Variants in GTF2A1L observed in about 807,000 individuals in gnomAD.
GTF2A1L encodes the protein general transcription factor IIA subunit 1 like, also known as TFIIA-alpha and beta-like factor.
GTF2A1L carries 48 observed loss-of-function variants against 49.7 expected under a neutral mutation model. That is an observed-to-expected ratio of 0.97 (90% CI 0.77 to 1.23). The LOEUF (loss-of-function observed/expected upper bound fraction) is 1.23, where lower values mean the gene tolerates loss of function less well. GTF2A1L is among the 50% of genes most tolerant of loss of function. The pLI is 0.00. For synonymous variants in GTF2A1L, 246 were observed against 193.5 expected, an observed-to-expected ratio of 1.27 and a Z score of -2.25; for missense variants, 736 against 564.8, an observed-to-expected ratio of 1.30 and a Z score of -3.07.
intron 7 of GTF2A1L, among the ~76,000 whole-genome samples, 170 bp from the exon 8 acceptor site, chr2:48,671,421 C>G (rs1299839210): frequency 1.3e-5 from 2 of 152,084 alleles, no homozygotes; most frequent in Non-Finnish European, 2.9e-5. Context: ...CCAAGTAAGT[C>G]TTGAACTCCT....
intron 8 of GTF2A1L, among the ~76,000 whole-genome samples, chr2:48,673,168 A>C (rs146982391): frequency 1.5e-3 from 222 of 152,250 alleles, no homozygotes; most frequent in African/African-American, 5.2e-3. Context: ...TATTGAATGG[A>C]TATACCACAT....
At chr2:48,625,940 C>G (rs1676267084) in intron 3 of GTF2A1L, among the ~76,000 whole-genome samples, 1 of 143,888 alleles carries the variant, frequency 6.9e-6, no homozygotes, top group African/African-American at 2.5e-5. Context: ...AAATCATTGC[C>G]AAGGCCATTG....
At chr2:48,656,223 C>T (rs563024904) in intron 6 of GTF2A1L, among the ~76,000 whole-genome samples, 2 of 151,972 alleles carry the variant, frequency 1.3e-5, no homozygotes, top group Non-Finnish European at 2.9e-5. Context: ...AATCATATGA[C>T]AATTCTACTT....
At position 48,669,970 on chromosome 2, in the gene GTF2A1L, C is replaced by T; in HGVS notation, c.1227C>T (p.Asn409=). The change falls in exon 7 of 9, where the codon AAC becomes AAT. Residue 409 remains asparagine, a synonymous_variant. Transcript: ENST00000403751. ...GTGATAATGAAGACCCTCAAGTAAA[C>T]ATTGTAGAAGAGGTGAGGATGACTT... The part of the protein sequence containing the change: ...NSSDNEDPQV[N]IVEEDPLNSG... 1.9e-6 allele frequency: 3 copies of T among 1,612,650 alleles called. No individual in the cohort carries two copies. Among genetic ancestry groups the T allele is most frequent in the Non-Finnish European group, 2.5e-6 (3 of 1,179,390 alleles).
Position 48,646,713 on chromosome 2 carries a change from A to T in GTF2A1L, c.649A>T (p.Ile217Leu), listed in dbSNP as rs1356152398. The change falls in exon 6 of 9, where the codon ATA (isoleucine) becomes TTA (leucine). Residue 217 changes from isoleucine to leucine, a missense_variant. Transcript: ENST00000403751. ...RKHLENATSD[I>L]LVSPGNEHKI... is the part of the protein sequence containing the mutation. ...ACACTTAGAAAATGCCACCAGTGATATACTTGTATCTCCTGGAAATGAGCA... is the reference window on the plus strand; with the variant it reads ...ACACTTAGAAAATGCCACCAGTGATTTACTTGTATCTCCTGGAAATGAGCA... 3.1e-6 allele frequency: 5 copies of T among 1,614,222 alleles called. No individual in the cohort carries two copies. Among genetic ancestry groups the T allele is most frequent in the Non-Finnish European group, 2.5e-6 (3 of 1,180,036 alleles).
chr2:48,673,246 A>G (rs926109921), intron 8 of GTF2A1L, among the ~76,000 whole-genome samples: 4 of 152,082 alleles, frequency 2.6e-5, no homozygotes, highest in Non-Finnish European at 4.4e-5. Context: ...AAAAAGTAAT[A>G]CCTTTTCCTT....
Position 48,635,073 on chromosome 2 carries a change from G to C in GTF2A1L, c.248-7329G>C, listed in dbSNP as rs192370035. Among the ~76,000 whole-genome samples the C allele has an allele frequency of 3.4e-4, 52 of 152,330 alleles. 1 individual carries two copies. The East Asian group carries it at 9.9e-3, about 29-fold the overall frequency. On this transcript the variant is annotated intron_variant, in intron 3 of 8. Transcript: ENST00000403751. ...GCCTAAAATTCTAATCCAGGGTAGT[G>C]AGTGCTCCAGATATCTGGAGATCTG...
intron 1 of GTF2A1L, among the ~76,000 whole-genome samples, chr2:48,619,206 C>T (rs1388665976): frequency 1.3e-5 from 2 of 152,156 alleles, no homozygotes; most frequent in Non-Finnish European, 2.9e-5. Context: ...CGGTGGCTTA[C>T]ACCTGTAATC....
intron 3 of GTF2A1L, among the ~76,000 whole-genome samples, chr2:48,639,208 C>T (rs34002966): frequency 0.18 from 27,063 of 151,990 alleles, 2,657 homozygotes; most frequent in South Asian, 0.25. Flanking sequence ...TATTTTAAAA[C>T]TCATATGGAG....
At chr2:48,620,679 A>T (rs1675936447) in intron 1 of GTF2A1L, among the ~76,000 whole-genome samples, 172 bp from the exon 2 acceptor site, 1 of 152,128 alleles carries the variant, frequency 6.6e-6, no homozygotes, top group South Asian at 2.1e-4. Context: ...CAGGAGGCTG[A>T]GGCAGGAGAA....
At chr2:48,675,339 A>G (rs1476773413) in intron 8 of GTF2A1L, among the ~76,000 whole-genome samples, 1 of 152,114 alleles carries the variant, frequency 6.6e-6, no homozygotes, top group South Asian at 2.1e-4. Flanking sequence ...CTCCAAAATG[A>G]TTTGTATGGC....
chr2:48,669,463 A>G (rs1479505824), intron 6 of GTF2A1L, among the ~76,000 whole-genome samples: 1 of 152,230 alleles, frequency 6.6e-6, no homozygotes, highest in African/African-American at 2.4e-5. Context: ...ACTGGTAAAT[A>G]TTACCTGAAA....
chr2:48,676,390 T>A (rs1329351708), intron 8 of GTF2A1L, among the ~76,000 whole-genome samples: 1 of 151,806 alleles, frequency 6.6e-6, no homozygotes, highest in African/African-American at 2.4e-5. Flanking sequence ...AAAGGGCAAA[T>A]GTACGTGGTT....
At chr2:48,649,971 C>G (rs1245370356) in intron 6 of GTF2A1L, among the ~76,000 whole-genome samples, 1 of 152,066 alleles carries the variant, frequency 6.6e-6, no homozygotes, top group Non-Finnish European at 1.5e-5. Context: ...CCTGGAGTTT[C>G]TTCCCACCAT....
intron 6 of GTF2A1L, among the ~76,000 whole-genome samples, chr2:48,652,237 G>A (rs1469171648): frequency 6.6e-6 from 1 of 152,156 alleles, no homozygotes; most frequent in Non-Finnish European, 1.5e-5. Flanking sequence ...GCTTATCCTT[G>A]TCTGGCAAGG....
chr2:48,675,362 A>G (rs1206098788), intron 8 of GTF2A1L, among the ~76,000 whole-genome samples: 1 of 152,132 alleles, frequency 6.6e-6, no homozygotes, highest in Non-Finnish European at 1.5e-5. Flanking sequence ...TTAAATTTTG[A>G]GAAGCAGTGT....
chr2:48,640,490 C>G (rs1472835529), intron 3 of GTF2A1L, among the ~76,000 whole-genome samples: 2 of 148,976 alleles, frequency 1.3e-5, no homozygotes, highest in Non-Finnish European at 3.0e-5. Context: ...GATGAGAACT[C>G]ATGAACACAA....
At chr2:48,645,947 CT>C (rs71399071) in intron 5 of GTF2A1L, among the ~76,000 whole-genome samples, 1,843 of 144,280 alleles carry the variant, frequency 0.013, 30 homozygotes, top group African/African-American at 0.036. Flanking sequence ...CGCGCCTGGC[CT>C]TTTTTTTTTT....
intron 6 of GTF2A1L, among the ~76,000 whole-genome samples, chr2:48,658,196 T>A (rs1678285759): frequency 6.6e-6 from 1 of 152,172 alleles, no homozygotes; most frequent in South Asian, 2.1e-4. Context: ...TCCAGAATGG[T>A]GTTTCTCAAG....
Sources: gnomAD v4.1 joint callset for allele counts (sites outside exome capture counted in the v4.1 genomes callset) on GRCh38, gnomAD v4.1.1 for gene constraint, MANE v1.5 for transcripts, NCBI Gene and HGNC (gene_info 2026-07-23, HGNC 2026-07-21) for gene names.